Variants in ZNF248 observed in about 807,000 individuals in gnomAD.
The protein encoded by ZNF248 is zinc finger protein 248, also known as KRAB protein domain.
In ZNF248, 20 loss-of-function variants were observed where a neutral mutation model predicts 44.3. That is an observed-to-expected ratio of 0.45 (90% CI 0.32 to 0.66). ZNF248 has a LOEUF of 0.66. Among genes scored for constraint, ZNF248 ranks in the 30% least tolerant of loss-of-function variants. The pLI, the probability that ZNF248 is intolerant of heterozygous loss-of-function variation, is 0.04. For missense variants in ZNF248, 654 were observed against 677.0 expected (o/e 0.97, Z 0.38); for synonymous variants, 224 against 229.0 (o/e 0.98, Z 0.20).
chr10:37,767,946 G>T, the ZNF248 span, among the ~76,000 whole-genome samples: 2 of 151,660 alleles, frequency 1.3e-5, no homozygotes, highest in Non-Finnish European at 2.9e-5. Context: ...CCAAGCAAAT[G>T]GGAAACAAAA....
chr10:37,843,366 A>C (rs1028553102), intron 3 of ZNF248, among the ~76,000 whole-genome samples: 3 of 151,306 alleles, frequency 2.0e-5, no homozygotes, highest in Non-Finnish European at 4.4e-5. Context: ...CAGAGGTTGC[A>C]GTGAGCCGAG....
the ZNF248 span, among the ~76,000 whole-genome samples, chr10:37,759,724 G>A: frequency 6.6e-6 from 1 of 152,216 alleles, no homozygotes; most frequent in Admixed American, 6.5e-5. Flanking sequence ...CCGAGTTGAG[G>A]TTAGAGCCCA....
intron 5 of ZNF248, among the ~76,000 whole-genome samples, chr10:37,834,585 C>A (rs1355931112): frequency 6.6e-6 from 1 of 152,120 alleles, no homozygotes; most frequent in Admixed American, 6.6e-5. Flanking sequence ...GAACAAAAAT[C>A]TCAATGCAAA....
chr10:37,786,212 C>T (rs2047858328), intron 6 of ZNF248, among the ~76,000 whole-genome samples: 1 of 152,158 alleles, frequency 6.6e-6, no homozygotes, highest in African/African-American at 2.4e-5. Flanking sequence ...TTGCAGAGAT[C>T]AATCAGATTC....
intron 3 of ZNF248, among the ~76,000 whole-genome samples, chr10:37,845,348 CA>C (rs1050696949): frequency 7.1e-6 from 1 of 141,090 alleles, no homozygotes. Flanking sequence ...TAAATTCTTC[CA>C]AAAAAAAGGC....
chr10:37,841,729 G>A (rs1322962243), intron 3 of ZNF248, among the ~76,000 whole-genome samples: 1 of 152,196 alleles, frequency 6.6e-6, no homozygotes, highest in Admixed American at 6.5e-5. Context: ...AATCAACAGT[G>A]ATAAATCATG....
At chr10:37,849,162 G>A (rs965641973) in intron 3 of ZNF248, among the ~76,000 whole-genome samples, 2 of 152,110 alleles carry the variant, frequency 1.3e-5, no homozygotes, top group Non-Finnish European at 2.9e-5. Flanking sequence ...GGCCAGACAT[G>A]GTGGCTCACA....
Position 37,832,630 on chromosome 10 carries a change from C to T in ZNF248, c.725G>A (p.Cys242Tyr). 2 of 1,613,388 alleles carry T rather than the reference C, an allele frequency of 1.2e-6. No individual in the cohort carries two copies. Among genetic ancestry groups the T allele is most frequent in the Non-Finnish European group, 8.5e-7 (1 of 1,179,898 alleles). Residue 242 changes from cysteine (C) to tyrosine (Y), a missense_variant, in exon 6 of 6, where the codon TGT becomes TAT. Coordinates refer to ENST00000395867, the MANE Select transcript of ZNF248 (RefSeq NM_021045.3). Reference sequence around the variant, plus strand: ...GGTTCTTCCACATTCGTTATATTTACAGACTGTCTCTCCTATCTGAGATCT... The same window carrying T: ...GGTTCTTCCACATTCGTTATATTTATAGACTGTCTCTCCTATCTGAGATCT... ...NKRSQIGETVCKYNECGRTFI... is the reference protein window; with the variant it reads ...NKRSQIGETVYKYNECGRTFI...
chr10:37,818,913 G>A, intron 6 of ZNF248: 1 of 1,091,144 alleles, frequency 9.2e-7, no homozygotes, highest in East Asian at 2.5e-5. Context: ...ACTGATAGAA[G>A]ATCACACCCA....
intron 6 of ZNF248, chr10:37,819,967 C>T (rs2053190415): frequency 6.5e-6 from 5 of 768,312 alleles, no homozygotes; most frequent in Non-Finnish European, 1.2e-5. Flanking sequence ...GCGGCCCCAT[C>T]TCAAGCGGTC....
At chr10:37,827,359 A>T (rs2054538250), downstream of ZNF248, among the ~76,000 whole-genome samples, 1 of 152,226 alleles carries the variant, frequency 6.6e-6, no homozygotes, top group South Asian at 2.1e-4. Flanking sequence ...TAACTACCCC[A>T]TTCTGTAGAC....
downstream of ZNF248, among the ~76,000 whole-genome samples, chr10:37,823,921 G>GA (rs2053920911): frequency 3.3e-5 from 5 of 151,752 alleles, no homozygotes; most frequent in East Asian, 1.9e-4. Flanking sequence ...TTTAGAGTCT[G>GA]AAAAAAAATA....
At chr10:37,814,684 C>T (rs1433891491) in intron 6 of ZNF248, among the ~76,000 whole-genome samples, 1 of 152,126 alleles carries the variant, frequency 6.6e-6, no homozygotes, top group Non-Finnish European at 1.5e-5. Context: ...TTGTTTTTCC[C>T]TTCAGCATTT....
intron 6 of ZNF248, among the ~76,000 whole-genome samples, chr10:37,793,001 G>T (rs886516814): frequency 9.9e-5 from 15 of 152,118 alleles, no homozygotes; most frequent in African/African-American, 3.4e-4. Flanking sequence ...TGGGTGAAAG[G>T]TGTACGAGAA....
intron 6 of ZNF248, among the ~76,000 whole-genome samples, chr10:37,804,419 A>G (rs1564496925): frequency 6.7e-6 from 1 of 149,774 alleles, no homozygotes; most frequent in East Asian, 2.0e-4. Flanking sequence ...AGTGAATCTT[A>G]TTTATTTTAT....
intron 6 of ZNF248, among the ~76,000 whole-genome samples, chr10:37,817,630 C>T (rs1589404391): frequency 6.6e-6 from 1 of 151,992 alleles, no homozygotes; most frequent in African/African-American, 2.4e-5. Flanking sequence ...CACGTACTTG[C>T]TAATATGGGT....
downstream of ZNF248, among the ~76,000 whole-genome samples, chr10:37,771,702 C>A (rs1320133282): frequency 6.6e-6 from 1 of 151,836 alleles, no homozygotes; most frequent in Non-Finnish European, 1.5e-5. Flanking sequence ...CGCAGCACAC[C>A]AACATGGCAC....
intron 3 of ZNF248, among the ~76,000 whole-genome samples, chr10:37,839,147 C>T (rs977510289): frequency 6.6e-6 from 1 of 152,132 alleles, no homozygotes; most frequent in Non-Finnish European, 1.5e-5. Context: ...GCAGGAAGTA[C>T]CTGTGACTAG....
At chr10:37,802,301 A>T in intron 6 of ZNF248, among the ~76,000 whole-genome samples, 1 of 152,148 alleles carries the variant, frequency 6.6e-6, no homozygotes, top group East Asian at 1.9e-4. Context: ...ATCCTGTGCA[A>T]CCTGGCTGCC....
Sources: gnomAD v4.1 joint callset for allele counts (sites outside exome capture counted in the v4.1 genomes callset) on GRCh38, gnomAD v4.1.1 for gene constraint, MANE v1.5 for transcripts, NCBI Gene and HGNC (gene_info 2026-07-23, HGNC 2026-07-21) for gene names.